Variants in CLSPN observed in about 807,000 individuals in gnomAD.
CLSPN encodes the protein claspin homolog.
In CLSPN, 85 loss-of-function variants were observed where a neutral mutation model predicts 156.3. The ratio of observed to expected loss-of-function variants is 0.54; its 90% CI spans 0.46 to 0.65. The LOEUF (loss-of-function observed/expected upper bound fraction) is 0.65. CLSPN is among the 30% of genes least tolerant of loss of function. The pLI, the probability that CLSPN is intolerant of heterozygous loss-of-function variation, is 0.00. For missense variants in CLSPN, 1,407 were observed against 1,554.9 expected (o/e 0.90, Z 1.60); for synonymous variants, 534 against 542.4 (o/e 0.98, Z 0.22).
chr1:35,746,932 C>G lies in CLSPN; in HGVS notation c.2688G>C (p.Leu896Phe). ...QYQALKPRLP[L>F]ASMDENAMDA... ...CCATGGCATTCTCATCCATACTGGC[C>G]AATGGCAATCGAGGCTTCAAAGCTT... Residue 896 changes from leucine (L) to phenylalanine (F), a missense_variant, in exon 15 of 25, where the codon TTG (leucine) becomes TTC (phenylalanine). Around this residue, in one of 3 missense-constraint regions of CLSPN, gnomAD observed 1,096 missense variants for 1,193.0 expected, o/e 0.92. Transcript: ENST00000318121. This position sits in a 1 kb window ranked among gnomAD's most constrained non-coding sequence, Gnocchi z 4.2. 6.2e-7 allele frequency: 1 copy of G among 1,614,146 alleles called. No homozygotes were observed.
At chr1:35,737,214 T>C (rs1641505669) in intron 23 of CLSPN, 125 bp downstream of exon 23, 2 of 1,233,570 alleles carry the variant, frequency 1.6e-6, no homozygotes, top group South Asian at 2.6e-5. Context: ...AGCAGACTCC[T>C]TTGACATTAA....
Position 35,746,743 on chromosome 1 carries a change from G to T in CLSPN, c.2854+23C>A. On this transcript the variant is annotated intron_variant, in intron 15 of 24. Transcript: ENST00000318121. This position sits in a 1 kb window ranked among gnomAD's most constrained non-coding sequence, Gnocchi z 4.2. ...ACTGATACTTGGGTGTGGTAAGCTT[G>T]ATACTCTCGGTTGGATATTTACCCT... 2 of 1,510,438 alleles carry T rather than the reference G, an allele frequency of 1.3e-6. No individual in the cohort carries two copies. 93.6% of individuals were successfully genotyped at this position (1,510,438 alleles called of 1,614,324 possible).
At position 35,745,568 on chromosome 1, in the gene CLSPN, T is replaced by A; in HGVS notation, c.2855-6A>T. On this transcript the variant is annotated splice_region_variant and splice_polypyrimidine_tract_variant and intron_variant, in intron 15 of 24. Coordinates refer to ENST00000318121, the MANE Select transcript of CLSPN (RefSeq NM_022111.4). ...TGAGGCTGGAGTGGAGGCATCTACA[T>A]CACAACAAGGAAAAGATGTGTCACC... 6.3e-7 allele frequency: 1 copy of A among 1,585,550 alleles called. No individual in the cohort carries two copies. The highest frequency in any genetic ancestry group is 8.7e-7 in the Non-Finnish European group (1 of 1,154,100).
chr1:35,723,689 G>C (rs991557879), intron 24 of CLSPN, among the ~76,000 whole-genome samples: 1 of 152,166 alleles, frequency 6.6e-6, no homozygotes, highest in African/African-American at 2.4e-5. Flanking sequence ...GGAGCTCCTT[G>C]TTTAGAAAGG....
chr1:35,753,959 G>C, intron 8 of CLSPN, 23 bp from the exon 9 acceptor site: 1 of 1,605,922 alleles, frequency 6.2e-7, no homozygotes, highest in African/African-American at 1.4e-5. Context: ...GCCAACCAGT[G>C]TGTCAGTTTG....
intron 8 of CLSPN, among the ~76,000 whole-genome samples, chr1:35,758,125 A>G (rs552555100): frequency 6.3e-4 from 96 of 152,164 alleles, no homozygotes; most frequent in Non-Finnish European, 1.2e-3. Context: ...AGTCACTGAC[A>G]TAGCACCTGC....
chr1:35,748,705 G>T, intron 12 of CLSPN, 101 bp from the exon 13 acceptor site: 1 of 893,746 alleles, frequency 1.1e-6, no homozygotes, highest in Non-Finnish European at 1.8e-6. Context: ...AAAATTCATA[G>T]GCAAACCCCT....
At chr1:35,723,704 C>T (rs1371081629) in intron 24 of CLSPN, among the ~76,000 whole-genome samples, 1 of 152,160 alleles carries the variant, frequency 6.6e-6, no homozygotes, top group Non-Finnish European at 1.5e-5. Context: ...GAAAGGGAAA[C>T]AGAAGTCATG....
downstream of CLSPN, among the ~76,000 whole-genome samples, chr1:35,729,897 C>A (rs1641274845): frequency 6.6e-6 from 1 of 152,134 alleles, no homozygotes; most frequent in Non-Finnish European, 1.5e-5. Flanking sequence ...TTCACATGAG[C>A]CCCATTTTCC....
intron 16 of CLSPN, 171 bp from the exon 17 acceptor site, chr1:35,743,701 GTA>G (rs1406397833): frequency 1.7e-6 from 1 of 587,974 alleles, no homozygotes; most frequent in Non-Finnish European, 3.0e-6. Context: ...TCAGCTCACT[GTA>G]ACCTCCACCT....
intron 1 of CLSPN, among the ~76,000 whole-genome samples, chr1:35,767,753 C>T (rs556799807): frequency 2.0e-4 from 31 of 152,222 alleles, no homozygotes; most frequent in African/African-American, 6.5e-4. Flanking sequence ...AAATTCAAAA[C>T]GCTTCTGGTC....
At chr1:35,726,171 A>AAAAAAAAAAAAAAAC (rs1641184380) in intron 24 of CLSPN, among the ~76,000 whole-genome samples, 2 of 150,660 alleles carry the variant, frequency 1.3e-5, no homozygotes, top group Non-Finnish European at 3.0e-5. Flanking sequence ...AAAAAAAAAA[A>AAAAAAAAAAAAAAAC]AAAAGCGCAT....
chr1:35,769,956 C>A lies in CLSPN; in HGVS notation c.-86G>T. 1 of 1,513,836 alleles carries A rather than the reference C, an allele frequency of 6.6e-7. No individual in the cohort carries two copies. The allele number at this position is 1,513,836 out of a possible 1,614,324, so 93.8% of individuals were successfully genotyped here. On this transcript the variant is annotated 5_prime_UTR_variant, in exon 1 of 25. Coordinates refer to ENST00000318121, the MANE Select transcript of CLSPN (RefSeq NM_022111.4). ...GAGCAGCGGCTCCCGCCGTCTCCAGCCCAGCAGTGCTGTTCTTGCTTTCCC... is the reference window on the plus strand; with the variant it reads ...GAGCAGCGGCTCCCGCCGTCTCCAGACCAGCAGTGCTGTTCTTGCTTTCCC...
At chr1:35,729,422 A>G (rs1338108003), downstream of CLSPN, among the ~76,000 whole-genome samples, 1 of 152,184 alleles carries the variant, frequency 6.6e-6, no homozygotes, top group African/African-American at 2.4e-5. Context: ...CCCTTTTCCC[A>G]TTATGAATCC....
intron 1 of CLSPN, among the ~76,000 whole-genome samples, chr1:35,766,434 T>C (rs1020300814): frequency 5.3e-5 from 8 of 152,162 alleles, no homozygotes; most frequent in African/African-American, 1.9e-4. Flanking sequence ...TATATTTCTA[T>C]ATGCTATGTG....
At chr1:35,764,178 A>T in intron 3 of CLSPN, 88 bp downstream of exon 3, 1 of 756,708 alleles carries the variant, frequency 1.3e-6, no homozygotes, top group East Asian at 2.6e-5. Flanking sequence ...CAATAGTCAG[A>T]GAGCAGAAAC....
At chr1:35,767,837 A>G (rs571934073) in intron 1 of CLSPN, among the ~76,000 whole-genome samples, 2 of 152,176 alleles carry the variant, frequency 1.3e-5, no homozygotes, top group Non-Finnish European at 2.9e-5. Context: ...CATCCTTTCT[A>G]CGGTTGTATA....
intron 6 of CLSPN, among the ~76,000 whole-genome samples, chr1:35,761,469 T>A (rs1467722629): frequency 1.3e-5 from 2 of 152,204 alleles, no homozygotes; most frequent in Non-Finnish European, 2.9e-5. Context: ...AGAATCTCTG[T>A]GGGACCTAAA....
Position 35,735,061 on chromosome 1 carries a change from T to C in CLSPN, c.*1435A>G, listed in dbSNP as rs1641419116. The C allele has an allele frequency of 1.0e-6, 1 of 985,298 alleles. No homozygotes were observed. The highest frequency in any genetic ancestry group is 1.2e-6 in the Non-Finnish European group (1 of 829,928). The allele number at this position is 985,298 out of a possible 1,614,324, so 61.0% of individuals were successfully genotyped here. ...AATGTCCATTGATTAGTGAGGGCAA[T>C]GTATGTAAGCCAGAAGAATGCAATA... On this transcript the variant is annotated 3_prime_UTR_variant, in exon 25 of 25. Transcript: ENST00000318121.
Sources: allele counts gnomAD v4.1 joint callset (sites outside exome capture counted in the v4.1 genomes callset), GRCh38; gene constraint gnomAD v4.1.1; regional missense constraint gnomAD v4.1.1; non-coding constraint Gnocchi (gnomAD v3.1); transcripts MANE v1.5; gene names NCBI Gene and HGNC (gene_info 2026-07-23, HGNC 2026-07-21).